Variants in LYRM1 observed in about 807,000 individuals in gnomAD.
LYRM1 encodes the protein LYR motif containing 1.
Under a neutral mutation model 14.9 loss-of-function variants are expected in LYRM1, and 14 were observed. The observed-to-expected ratio is 0.94, with a 90% CI of 0.62 to 1.47. LYRM1 has a LOEUF of 1.47. Among genes scored for constraint, LYRM1 ranks in the 40% most tolerant of loss-of-function variants. LYRM1 has a pLI of 0.00. For missense variants in LYRM1, 153 were observed against 149.9 expected, an observed-to-expected ratio of 1.02 and a Z score of -0.11; for synonymous variants, 43 against 56.2, an observed-to-expected ratio of 0.77 and a Z score of 1.05.
intron 1 of LYRM1, among the ~76,000 whole-genome samples, chr16:20,911,716 A>G (rs1055749037): frequency 6.6e-6 from 1 of 152,044 alleles, no homozygotes; most frequent in Non-Finnish European, 1.5e-5. Flanking sequence ...TTTTAGATAT[A>G]GAAATGTAAA....
chr16:20,907,383 T>TA (rs775174039), intron 1 of LYRM1, among the ~76,000 whole-genome samples: 6 of 152,100 alleles, frequency 3.9e-5, no homozygotes, highest in Non-Finnish European at 8.8e-5. Context: ...TTTTTTGAGA[T>TA]AGAGTCTGAC....
Position 20,924,121 on chromosome 16 carries a change from G to A in LYRM1, c.*5G>A. On this transcript the variant is annotated 3_prime_UTR_variant, in exon 4 of 4. Coordinates refer to ENST00000567954, the MANE Select transcript of LYRM1 (RefSeq NM_001128302.3). ...TCTCATGATGAAGTTTCCTAATCTAGAGGAAAGTTTATTTCTGCAAATGAT... is the reference window on the plus strand; with the variant it reads ...TCTCATGATGAAGTTTCCTAATCTAAAGGAAAGTTTATTTCTGCAAATGAT... 6.7e-7 allele frequency: 1 copy of A among 1,501,130 alleles called. No homozygotes were observed. Among genetic ancestry groups the A allele is most frequent in the East Asian group, 2.3e-5 (1 of 44,272 alleles). The allele number at this position is 1,501,130 out of a possible 1,614,324, so 93.0% of individuals were successfully genotyped here.
At position 20,924,227 on chromosome 16, in the gene LYRM1, C is replaced by T; in HGVS notation, c.*111C>T. Reference sequence around the variant, plus strand: ...CAAAAATTCAAATGTCTTCTTAAAACCTCCACAATTGATTCTCCCCCTGTG... The same window carrying T: ...CAAAAATTCAAATGTCTTCTTAAAATCTCCACAATTGATTCTCCCCCTGTG... On this transcript the variant is annotated 3_prime_UTR_variant, in exon 4 of 4. Transcript: ENST00000567954. The T allele has an allele frequency of 1.6e-6, 1 of 628,200 alleles. No homozygotes were observed. The highest frequency in any genetic ancestry group is 2.9e-6 in the Non-Finnish European group (1 of 349,918). The allele number at this position is 628,200 out of a possible 1,614,324, so 38.9% of individuals were successfully genotyped here. A position where few individuals can be genotyped will look rare whatever the true frequency, so the allele number is the denominator to read the frequency against.
In LYRM1 at chr16:20,905,383, G is replaced by A. The variant is rs182873156; in HGVS notation, c.-1+4494G>A. Among the ~76,000 whole-genome samples, 10 of 152,198 alleles carry A rather than the reference G, an allele frequency of 6.6e-5. No homozygotes were observed. The East Asian group carries it at 1.2e-3, about 18-fold the overall frequency. ...TCAAGATTCAAACCCAGCCTTGTCC[G>A]CCCAGAGCCCAAAATAAATGTTCAT... On this transcript the variant is annotated intron_variant, in intron 1 of 3. Transcript: ENST00000567954.
intron 1 of LYRM1, among the ~76,000 whole-genome samples, chr16:20,912,363 G>C (rs1008242823): frequency 2.6e-5 from 4 of 151,916 alleles, no homozygotes; most frequent in Non-Finnish European, 5.9e-5. Context: ...TCCGCCTCCC[G>C]GGTTCACGCC....
Position 20,920,112 on chromosome 16 carries a change from C to CT in LYRM1, c.160-6dup, listed in dbSNP as rs771298282. ...TACTATCAGCCTCATTTCTTTCTCCCTTTTAATAGCTCACGGACACAGACC... is the reference window on the plus strand; with the variant it reads ...TACTATCAGCCTCATTTCTTTCTCCCTTTTTAATAGCTCACGGACACAGACC... On this transcript the variant is annotated splice_polypyrimidine_tract_variant and intron_variant, in intron 2 of 3. Coordinates refer to ENST00000567954, the MANE Select transcript of LYRM1 (RefSeq NM_001128302.3). 2 of 1,596,962 alleles carry CT rather than the reference C, an allele frequency of 1.3e-6. No individual in the cohort carries two copies. Among genetic ancestry groups the CT allele is most frequent in the Non-Finnish European group, 1.7e-6 (2 of 1,165,502 alleles).
At chr16:20,904,192 C>T (rs1347120727) in intron 1 of LYRM1, among the ~76,000 whole-genome samples, 1 of 152,130 alleles carries the variant, frequency 6.6e-6, no homozygotes, top group African/African-American at 2.4e-5. Context: ...TCATTTAGAA[C>T]TTCTATCCCT....
chr16:20,922,655 A>AT (rs1320969366), intron 3 of LYRM1, among the ~76,000 whole-genome samples: 1 of 151,780 alleles, frequency 6.6e-6, no homozygotes, highest in Non-Finnish European at 1.5e-5. Context: ...ATGCCAGCTA[A>AT]TTTTTTGTAC....
At chr16:20,912,427 C>T (rs554146939) in intron 1 of LYRM1, among the ~76,000 whole-genome samples, 3 of 152,044 alleles carry the variant, frequency 2.0e-5, no homozygotes, top group African/African-American at 7.2e-5. Flanking sequence ...CCACCATGCC[C>T]GGCTAATTTT....
chr16:20,907,546 G>T (rs575477806), intron 1 of LYRM1, among the ~76,000 whole-genome samples: 5 of 152,004 alleles, frequency 3.3e-5, no homozygotes, highest in African/African-American at 9.7e-5. Context: ...TTTTTCAATG[G>T]AGATGGGATC....
chr16:20,901,573 G>A lies in LYRM1; in HGVS notation c.-1+684G>A, dbSNP rs2082056198. Among the ~76,000 whole-genome samples the A allele has an allele frequency of 6.6e-6, 1 of 152,234 alleles. No individual in the cohort carries two copies. The highest frequency in any genetic ancestry group is 1.5e-5 in the Non-Finnish European group (1 of 68,044). On this transcript the variant is annotated intron_variant, in intron 1 of 3. Coordinates refer to ENST00000567954, the MANE Select transcript of LYRM1 (RefSeq NM_001128302.3). The surrounding 1 kb of genome is among the most constrained non-coding windows in gnomAD (Gnocchi z 4.6). The stretch of plus-strand genomic sequence containing the variant: ...CTTTTAGGTTGGAAACAGCCAGAAG[G>A]CCATGTGGCTGAAGCAAACAGAGCC...
intron 1 of LYRM1, among the ~76,000 whole-genome samples, chr16:20,907,336 G>A (rs1426654708): frequency 6.6e-6 from 1 of 152,092 alleles, no homozygotes; most frequent in East Asian, 1.9e-4. Context: ...TTTCCCAAAG[G>A]CTCTTGTTGC....
At chr16:20,920,333 C>G in intron 3 of LYRM1, 119 bp downstream of exon 3, 1 of 779,540 alleles carries the variant, frequency 1.3e-6, no homozygotes, top group Middle Eastern at 2.3e-4. Context: ...CTGTGGGAGG[C>G]ATGTTGGAAA....
intron 1 of LYRM1, among the ~76,000 whole-genome samples, chr16:20,909,634 T>C (rs2082489560): frequency 6.6e-6 from 1 of 152,184 alleles, no homozygotes. Flanking sequence ...TTTAGAGCAA[T>C]AAATGTTGGT....
chr16:20,914,274 TCAC>T (rs1285700397), intron 1 of LYRM1, among the ~76,000 whole-genome samples: 19 of 137,610 alleles, frequency 1.4e-4, no homozygotes, highest in African/African-American at 4.5e-4. Context: ...TGTACAGTCG[TCAC>T]TTTTTTTTTT....
At chr16:20,916,329 C>T (rs546373596) in intron 2 of LYRM1, among the ~76,000 whole-genome samples, 5 of 152,230 alleles carry the variant, frequency 3.3e-5, no homozygotes, top group East Asian at 1.9e-4. Flanking sequence ...AACCCTAAAG[C>T]GTTAGCTGTT....
At chr16:20,903,661 C>T (rs1238284565) in intron 1 of LYRM1, among the ~76,000 whole-genome samples, 1 of 152,116 alleles carries the variant, frequency 6.6e-6, no homozygotes, top group African/African-American at 2.4e-5. Flanking sequence ...GGGACTTAGC[C>T]TACTGAGGAG....
At chr16:20,904,102 G>A (rs976045082) in intron 1 of LYRM1, among the ~76,000 whole-genome samples, 2 of 151,890 alleles carry the variant, frequency 1.3e-5, no homozygotes, top group African/African-American at 2.4e-5. Flanking sequence ...TGACTGACCC[G>A]TACCTTTTCT....
chr16:20,911,802 T>G (rs2082608138), intron 1 of LYRM1, among the ~76,000 whole-genome samples: 1 of 152,202 alleles, frequency 6.6e-6, no homozygotes, highest in Admixed American at 6.5e-5. Flanking sequence ...CTCTTTATAT[T>G]GCCCAGGCTG....
Sources: gnomAD v4.1 joint callset for allele counts (sites outside exome capture counted in the v4.1 genomes callset) on GRCh38, gnomAD v4.1.1 for gene constraint, Gnocchi (gnomAD v3.1) non-coding constraint, MANE v1.5 for transcripts, NCBI Gene and HGNC (gene_info 2026-07-23, HGNC 2026-07-21) for gene names.